AP1M2: variants seen among roughly 807,000 people sequenced by gnomAD.
AP1M2 encodes AP-1 complex subunit mu-2.
In AP1M2, 41 loss-of-function variants were observed where a neutral mutation model predicts 54.6. That is an observed-to-expected ratio of 0.75 (90% CI 0.59 to 0.97). The LOEUF is 0.97. Ranked by LOEUF, AP1M2 falls within the 50% of genes least tolerant of loss-of-function variation. The pLI is 0.00. For synonymous variants in AP1M2, 219 were observed against 215.9 expected (o/e 1.01, Z -0.13); for missense variants, 507 against 561.2 (o/e 0.90, Z 0.98).
chr19:10,584,092 C>G, intron 1 of AP1M2, 22 bp from the exon 2 acceptor site: 1 of 1,602,330 alleles, frequency 6.2e-7, no homozygotes, highest in Non-Finnish European at 8.5e-7. Flanking sequence ...AGGAAAGGAC[C>G]TGGTCACCAC....
At chr19:10,574,524 T>A in intron 10 of AP1M2, 32 bp from the exon 11 acceptor site, 1 of 1,536,428 alleles carries the variant, frequency 6.5e-7, no homozygotes, top group South Asian at 1.2e-5. Flanking sequence ...TGGTCCAGGA[T>A]TGCAGGAGGG....
rs902608295 is a variant in AP1M2, at chr19:10,579,598, C to T, written c.816+118G>A. The T allele has an allele frequency of 4.9e-6, 6 of 1,222,942 alleles. No homozygotes were observed. The South Asian group carries it at 9.5e-5, about 19-fold the overall frequency. The allele number at this position is 1,222,942 out of a possible 1,614,324, so 75.8% of individuals were successfully genotyped here. A position where few individuals can be genotyped will look rare whatever the true frequency, so the allele number is the denominator to read the frequency against. On this transcript the variant is annotated intron_variant, in intron 7 of 11. Coordinates refer to ENST00000250244, the MANE Select transcript of AP1M2 (RefSeq NM_005498.5). Reference sequence around the variant, plus strand: ...CGAACTCCTGTCCTCAAGTGATCCACCCGACTCAGCCTCCAAAATTGTTGG... The same window carrying T: ...CGAACTCCTGTCCTCAAGTGATCCATCCGACTCAGCCTCCAAAATTGTTGG...
At chr19:10,575,161 G>T in intron 9 of AP1M2, 132 bp from the exon 10 acceptor site, 1 of 1,049,646 alleles carries the variant, frequency 9.5e-7, no homozygotes. Flanking sequence ...TCCTTAGCCT[G>T]GGCAACATAT....
intron 8 of AP1M2, 67 bp from the exon 9 acceptor site, chr19:10,577,423 C>CTTTTTTTTTTTTTTTTTT (rs386388547): frequency 3.2e-6 from 1 of 316,680 alleles, no homozygotes; most frequent in Admixed American, 8.3e-5. Flanking sequence ...TTACCAAGCC[C>CTTTTTTTTTTTTTTTTTT]TTTTTTTTTT....
rs140955908 is a variant in AP1M2 at position 10,579,511 on chromosome 19, G to A, written c.816+205C>T. 9.0e-5 allele frequency among the ~76,000 whole-genome samples: 13 copies of A among 144,396 alleles called. No individual in the cohort carries two copies. In the East Asian group the frequency reaches 2.9e-3, roughly 32 times the overall value. 94.7% of individuals were successfully genotyped at this position (144,396 alleles called of 152,430 possible). A position where few individuals can be genotyped will look rare whatever the true frequency, so the allele number is the denominator to read the frequency against. On this transcript the variant is annotated intron_variant, in intron 7 of 11. Transcript: ENST00000250244. ...CTGGGATTACAGCATGTGCCACCAT[G>A]CCCAGCTAATTTTTGTATTTTTAGT...
intron 6 of AP1M2, among the ~76,000 whole-genome samples, chr19:10,580,454 G>A (rs1242655874): frequency 6.6e-6 from 1 of 151,930 alleles, no homozygotes; most frequent in African/African-American, 2.4e-5. Flanking sequence ...AAGGTAAAGA[G>A]ATCGAGACCA....
At position 10,572,890 on chromosome 19, in the gene AP1M2, C is replaced by G; in HGVS notation, c.*176G>C. 1.7e-6 allele frequency: 1 copy of G among 586,482 alleles called. No individual in the cohort carries two copies. Among genetic ancestry groups the G allele is most frequent in the South Asian group, 2.2e-5 (1 of 46,008 alleles). 36.3% of individuals were successfully genotyped at this position (586,482 alleles called of 1,614,324 possible). Reference sequence around the variant, plus strand: ...CGAGGGAAGCAGAGAGAGTTTCTCTCCCAGCCTATGGAATAAGGAAGAGGT... The same window carrying G: ...CGAGGGAAGCAGAGAGAGTTTCTCTGCCAGCCTATGGAATAAGGAAGAGGT... On this transcript the variant is annotated 3_prime_UTR_variant, in exon 12 of 12. Transcript: ENST00000250244.
At chr19:10,583,076 T>G (rs1040398220) in intron 3 of AP1M2, among the ~76,000 whole-genome samples, 3 of 151,924 alleles carry the variant, frequency 2.0e-5, no homozygotes, top group Non-Finnish European at 4.4e-5. Context: ...TCCGCCCACC[T>G]TAGCCTCCCA....
chr19:10,580,888 A>C (rs968353130), intron 6 of AP1M2, among the ~76,000 whole-genome samples: 4 of 150,072 alleles, frequency 2.7e-5, no homozygotes, highest in African/African-American at 9.8e-5. Flanking sequence ...CTCGGAGGTC[A>C]AGGCTGCAAT....
chr19:10,574,525 T>G (rs1917162484), intron 10 of AP1M2, 33 bp from the exon 11 acceptor site: 1 of 1,534,734 alleles, frequency 6.5e-7, no homozygotes, highest in Middle Eastern at 1.8e-4. Context: ...GGTCCAGGAT[T>G]GCAGGAGGGA....
Position 10,583,982 on chromosome 19 carries a change from C to T in AP1M2, c.131G>A (p.Gly44Asp), listed in dbSNP as rs1321715322. The T allele has an allele frequency of 6.2e-7, 1 of 1,606,040 alleles. No individual in the cohort carries two copies. Among genetic ancestry groups the T allele is most frequent in the South Asian group, 1.1e-5 (1 of 89,518 alleles). Reference sequence around the variant, plus strand: ...GTGGCTCAGCAGCGGGGCCAGGGCGCCTTCCTCCTCCCGCTGTACCAGCAA... The same window carrying T: ...GTGGCTCAGCAGCGGGGCCAGGGCGTCTTCCTCCTCCCGCTGTACCAGCAA... The part of the protein sequence containing the change: ...MPLLVQREEE[G>D]ALAPLLSHGQ... The change falls in exon 2 of 12, where the codon GGC (glycine) becomes GAC (aspartate). Residue 44 changes from glycine (G) to aspartate (D), a missense_variant. Transcript: ENST00000250244.
Position 10,581,579 on chromosome 19 carries a change from T to C in AP1M2, c.454A>G (p.Thr152Ala). 1 of 1,613,830 alleles carries C rather than the reference T, an allele frequency of 6.2e-7. No individual in the cohort carries two copies. Among genetic ancestry groups the C allele is most frequent in the Non-Finnish European group, 8.5e-7 (1 of 1,179,840 alleles). Residue 152 changes from threonine to alanine, a missense_variant, in exon 5 of 12, where the codon ACT becomes GCT. By Grantham distance (58) the Thr-to-Ala change is moderately conservative (BLOSUM62 0). Transcript: ENST00000250244. ...LETGKSRVPP[T>A]VTNAVSWRSE... ...CGCCAGGACACAGCGTTGGTGACAG[T>C]GGGTGGCACCCGTGACTTGCCCGTC...
intron 3 of AP1M2, 61 bp from the exon 4 acceptor site, chr19:10,581,939 C>G (rs1917477388): frequency 6.7e-7 from 1 of 1,498,628 alleles, no homozygotes; most frequent in Non-Finnish European, 8.9e-7. Flanking sequence ...CATAGTAGCT[C>G]ATGCCTGTAA....
chr19:10,574,833 G>A lies in AP1M2; in HGVS notation c.1173+71C>T, dbSNP rs2304162. The stretch of plus-strand genomic sequence containing the variant: ...ACAGGCCAGGGGACTGAGGTGACTC[G>A]AGCCAAGGGACAGGAGAGAGGGGAA... On this transcript the variant is annotated intron_variant, in intron 10 of 11. Transcript: ENST00000250244. 29,683 of 1,501,572 alleles carry A rather than the reference G, an allele frequency of 0.02. 3,343 individuals are homozygous for A. The East Asian group carries it at 0.39, about 20-fold the overall frequency. The allele number at this position is 1,501,572 out of a possible 1,614,324, so 93.0% of individuals were successfully genotyped here. A position where few individuals can be genotyped will look rare whatever the true frequency, so the allele number is the denominator to read the frequency against.
rs147976915 is a variant in AP1M2, at chr19:10,580,665, T to C, written c.673+601A>G. ...TGACGGAGCGAGACTCCATCTTAAA[T>C]CAATCAATCAGTCAATAAATAAGAT... On this transcript the variant is annotated intron_variant, in intron 6 of 11. Transcript: ENST00000250244. Among the ~76,000 whole-genome samples the C allele has an allele frequency of 1.0e-3, 149 of 146,972 alleles. 1 individual carries two copies. The highest frequency in any genetic ancestry group is 2.7e-3 in the Admixed American group (40 of 14,808).
intron 3 of AP1M2, 163 bp downstream of exon 3, chr19:10,583,443 T>A: frequency 1.9e-6 from 1 of 528,706 alleles, no homozygotes; most frequent in Non-Finnish European, 3.4e-6. Flanking sequence ...TAGACCAGCC[T>A]GGGCAATATA....
At chr19:10,574,583 G>T in intron 10 of AP1M2, 91 bp from the exon 11 acceptor site, 4 of 1,151,780 alleles carry the variant, frequency 3.5e-6, no homozygotes, top group Non-Finnish European at 3.7e-6. Context: ...AAGCGGCTAT[G>T]TGGCACAGGC....
chr19:10,578,993 G>A (rs768461007), intron 7 of AP1M2, 30 bp from the exon 8 acceptor site: 1 of 1,474,574 alleles, frequency 6.8e-7, no homozygotes, highest in Non-Finnish European at 9.3e-7. Context: ...AGAGTTCTTG[G>A]AGACTCCATG....
chr19:10,587,013 G>T, intron 1 of AP1M2, 177 bp downstream of exon 1: 1 of 620,764 alleles, frequency 1.6e-6, no homozygotes, highest in Non-Finnish European at 2.8e-6. Flanking sequence ...GCCCTAGGAG[G>T]CGAACCCCTT....
Sources: gnomAD v4.1 joint callset for allele counts (sites outside exome capture counted in the v4.1 genomes callset) on GRCh38, gnomAD v4.1.1 for gene constraint, MANE v1.5 for transcripts, NCBI Gene and HGNC (gene_info 2026-07-23, HGNC 2026-07-21) for gene names.